ZBTB20: variants seen among roughly 807,000 people sequenced by gnomAD.
The protein encoded by ZBTB20 is zinc finger and BTB domain containing 20.
A neutral mutation model predicts 56.9 loss-of-function variants in ZBTB20; 9 were observed. The observed-to-expected ratio is 0.16, with a 90% CI of 0.10 to 0.28. The LOEUF (loss-of-function observed/expected upper bound fraction) is 0.28, where lower values mean the gene tolerates loss of function less well. Among genes scored for constraint, ZBTB20 ranks in the 10% least tolerant of loss-of-function variants. The probability of loss-of-function intolerance (pLI) is 1.00; values close to 1 mark genes in which losing one functional copy is unlikely to be tolerated. For synonymous variants in ZBTB20, 417 were observed against 420.7 expected (o/e 0.99, Z 0.11); for missense variants, 655 against 1,003.0 (o/e 0.65, Z 4.69).
chr3:114,763,029 C>T (rs1341918948), intron 5 of ZBTB20, among the ~76,000 whole-genome samples: 3 of 152,124 alleles, frequency 2.0e-5, no homozygotes, highest in Non-Finnish European at 2.9e-5. Context: ...TATATTTTCA[C>T]ATACTTTATA....
chr3:114,839,728 C>T (rs2074302531), intron 4 of ZBTB20, among the ~76,000 whole-genome samples: 1 of 152,094 alleles, frequency 6.6e-6, no homozygotes, highest in Admixed American at 6.5e-5. Flanking sequence ...AGCCGTAAAT[C>T]CAATAACATT....
At chr3:114,589,812 C>T (rs918682708) in intron 6 of ZBTB20, among the ~76,000 whole-genome samples, 14 of 152,206 alleles carry the variant, frequency 9.2e-5, no homozygotes, top group Admixed American at 7.8e-4. Flanking sequence ...AGTATAAAGA[C>T]CTGGGGGTAA....
At chr3:114,837,228 T>G (rs2074166099) in intron 4 of ZBTB20, among the ~76,000 whole-genome samples, 1 of 152,340 alleles carries the variant, frequency 6.6e-6, no homozygotes, top group African/African-American at 2.4e-5. Flanking sequence ...TAGAACTAAT[T>G]ACTAGTATCT....
intron 7 of ZBTB20, among the ~76,000 whole-genome samples, chr3:114,433,512 A>T (rs979748572): frequency 1.3e-5 from 2 of 152,204 alleles, no homozygotes; most frequent in Non-Finnish European, 2.9e-5. Context: ...TCTGCTTCTG[A>T]GTAGAAATTT....
intron 6 of ZBTB20, among the ~76,000 whole-genome samples, chr3:114,654,141 C>T (rs893932480): frequency 6.6e-6 from 1 of 151,376 alleles, no homozygotes; most frequent in Non-Finnish European, 1.5e-5. Flanking sequence ...TTTTTTACTG[C>T]TTTTGGGTTT....
rs1437613734 is a variant in ZBTB20, at chr3:114,983,604, T to C, written c.-506-9188A>G. ...AGTCAAAAAAGGAAAGAAGTTTGTGTGTAACTTTTGGCTTCAGACTGATAT... is the reference window on the plus strand; with the variant it reads ...AGTCAAAAAAGGAAAGAAGTTTGTGCGTAACTTTTGGCTTCAGACTGATAT... On this transcript the variant is annotated intron_variant, in intron 2 of 11. Coordinates refer to ENST00000675478, the MANE Select transcript of ZBTB20 (RefSeq NM_001348800.3). Among the ~76,000 whole-genome samples the C allele has an allele frequency of 3.9e-5, 6 of 152,000 alleles. No individual in the cohort carries two copies. The East Asian group carries it at 1.2e-3, about 29-fold the overall frequency.
intron 6 of ZBTB20, among the ~76,000 whole-genome samples, chr3:114,644,464 G>A (rs1459470946): frequency 6.6e-6 from 1 of 152,042 alleles, no homozygotes; most frequent in Admixed American, 6.6e-5. Flanking sequence ...CATTCATTTT[G>A]TGTCTAATTA....
chr3:114,772,762 C>A (rs1295101305), intron 5 of ZBTB20, among the ~76,000 whole-genome samples: 1 of 151,730 alleles, frequency 6.6e-6, no homozygotes, highest in Non-Finnish European at 1.5e-5. Context: ...CTGTGGGAGG[C>A]AAAATAATTG....
chr3:115,024,546 G>A lies in ZBTB20; in HGVS notation c.-507+46673C>T, dbSNP rs372948388. ...CCCTTAAGGCACCCCTTTTGGATAG[G>A]TGCTTTGGGAAAACAATCCCACAAA... On this transcript the variant is annotated intron_variant, in intron 2 of 11. Coordinates refer to ENST00000675478, the MANE Select transcript of ZBTB20 (RefSeq NM_001348800.3). Among the ~76,000 whole-genome samples the A allele has an allele frequency of 5.9e-4, 89 of 151,064 alleles. No homozygotes were observed. In the East Asian group the frequency reaches 0.013, roughly 22 times the overall value.
At chr3:115,091,415 A>T (rs2083187807) in intron 1 of ZBTB20, among the ~76,000 whole-genome samples, 2 of 152,054 alleles carry the variant, frequency 1.3e-5, no homozygotes, top group Non-Finnish European at 2.9e-5. Flanking sequence ...GACCTAAAAA[A>T]ACTTAAGTAT....
Position 114,329,055 on chromosome 3 carries a change from G to T in ZBTB20, c.*9950C>A, listed in dbSNP as rs1031724519. 2 of 152,196 alleles carry T rather than the reference G, an allele frequency of 1.3e-5. No homozygotes were observed. The highest frequency in any genetic ancestry group is 2.9e-5 in the Non-Finnish European group (2 of 68,034). The allele number at this position is 152,196 out of a possible 1,614,324, so 9.4% of individuals were successfully genotyped here. ...GATTGGTAATTTTGCCATTACACTA[G>T]ACATTAGCCCTTTCAAAGCAGACTA... On this transcript the variant is annotated 3_prime_UTR_variant, in exon 12 of 12. Coordinates refer to ENST00000675478, the MANE Select transcript of ZBTB20 (RefSeq NM_001348800.3).
At chr3:114,674,433 C>T (rs2061520376) in intron 6 of ZBTB20, among the ~76,000 whole-genome samples, 2 of 152,138 alleles carry the variant, frequency 1.3e-5, no homozygotes, top group South Asian at 4.2e-4. Flanking sequence ...TACTTACATG[C>T]AATAAAGTTT....
chr3:115,107,049 T>C (rs747912080), intron 1 of ZBTB20, among the ~76,000 whole-genome samples: 1 of 152,226 alleles, frequency 6.6e-6, no homozygotes, highest in African/African-American at 2.4e-5. Context: ...ATTAAACACA[T>C]CCTTATCTTA....
At chr3:114,727,323 A>C (rs994530222) in intron 5 of ZBTB20, among the ~76,000 whole-genome samples, 2 of 152,234 alleles carry the variant, frequency 1.3e-5, no homozygotes, top group African/African-American at 4.8e-5. Context: ...AGCCTCTGTC[A>C]GTTTCATGTT....
chr3:114,660,530 T>G (rs1247112935), intron 6 of ZBTB20, among the ~76,000 whole-genome samples: 1 of 152,174 alleles, frequency 6.6e-6, no homozygotes, highest in Non-Finnish European at 1.5e-5. Context: ...TTTTTCCCCT[T>G]TAAATCTTAT....
intron 6 of ZBTB20, among the ~76,000 whole-genome samples, chr3:114,686,362 G>C (rs74352562): frequency 6.6e-6 from 1 of 152,172 alleles, no homozygotes; most frequent in Non-Finnish European, 1.5e-5. Context: ...ACCTAGGGAA[G>C]CCTAGGAAAT....
intron 6 of ZBTB20, among the ~76,000 whole-genome samples, chr3:114,672,462 C>T (rs896859249): frequency 7.9e-5 from 12 of 152,096 alleles, no homozygotes; most frequent in African/African-American, 2.9e-4. Context: ...TTGTTGGCTA[C>T]AGGGAACAAG....
chr3:115,145,132 A>C (rs2084925782), intron 1 of ZBTB20, among the ~76,000 whole-genome samples: 1 of 152,218 alleles, frequency 6.6e-6, no homozygotes. Flanking sequence ...GGCAATTTCA[A>C]AAGCTTTCCT....
intron 1 of ZBTB20, among the ~76,000 whole-genome samples, chr3:115,102,169 C>G (rs922684232): frequency 9.9e-5 from 15 of 152,204 alleles, no homozygotes; most frequent in Non-Finnish European, 2.2e-4. Flanking sequence ...TCGTAATCCA[C>G]CAATTCAACC....
Sources: gnomAD v4.1 joint callset for allele counts (sites outside exome capture counted in the v4.1 genomes callset) on GRCh38, gnomAD v4.1.1 for gene constraint, MANE v1.5 for transcripts, NCBI Gene and HGNC (gene_info 2026-07-23, HGNC 2026-07-21) for gene names.